Variants in CACNA1I observed in about 807,000 individuals in gnomAD.
CACNA1I encodes the protein calcium voltage-gated channel subunit alpha1 I.
Under a neutral mutation model 201.6 loss-of-function variants are expected in CACNA1I, and 74 were observed. That is an observed-to-expected ratio of 0.37 (90% confidence interval 0.30 to 0.45). The LOEUF (loss-of-function observed/expected upper bound fraction) is 0.45, where lower values mean the gene tolerates loss of function less well. CACNA1I is among the 20% of genes least tolerant of loss of function. CACNA1I has a pLI of 1.00. For missense variants in CACNA1I, 2,346 were observed against 3,138.1 expected, an observed-to-expected ratio of 0.75 and a Z score of 6.03; for synonymous variants, 1,431 against 1,345.2, an observed-to-expected ratio of 1.06 and a Z score of -1.40.
In CACNA1I at chr22:39,670,057, C is replaced by T; in HGVS notation, c.4214C>T (p.Pro1405Leu). The T allele has an allele frequency of 1.2e-6, 2 of 1,612,530 alleles. No homozygotes were observed. The highest frequency in any genetic ancestry group is 3.3e-5 in the Admixed American group (2 of 60,032). ...CTGCAGCCTGTGACCAACCACAACC[C>T]CTGGATGCTGCTGTACTTCATCTCC... ...VDQQPVTNHN[P>L]WMLLYFISFL... Residue 1405 changes from proline (P) to leucine (L), a missense_variant, in exon 25 of 37, where the codon CCC (proline) becomes CTC (leucine). Physicochemically the swap from Pro to Leu is moderately conservative, Grantham distance 98. Around this residue, in one of 13 missense-constraint regions of CACNA1I, gnomAD observed 228 missense variants for 395.7 expected, o/e 0.58. Coordinates refer to ENST00000402142, the MANE Select transcript of CACNA1I (RefSeq NM_021096.4).
intron 5 of CACNA1I, among the ~76,000 whole-genome samples, chr22:39,638,514 A>G (rs908999836): frequency 6.6e-6 from 1 of 152,232 alleles, no homozygotes; most frequent in African/African-American, 2.4e-5. Flanking sequence ...ATTACCAACC[A>G]TGAAATGTTT....
At chr22:39,605,241 C>T (rs111696201) in intron 3 of CACNA1I, among the ~76,000 whole-genome samples, 5 of 152,154 alleles carry the variant, frequency 3.3e-5, no homozygotes, top group South Asian at 4.1e-4. Flanking sequence ...ATAGCACCTC[C>T]GAGTTAGAAG....
At chr22:39,628,629 C>G (rs932984002) in intron 4 of CACNA1I, among the ~76,000 whole-genome samples, 1 of 152,112 alleles carries the variant, frequency 6.6e-6, no homozygotes, top group Non-Finnish European at 1.5e-5. Flanking sequence ...CTGGCTGGGC[C>G]TTGGGCCGGC....
At chr22:39,640,402 A>G (rs1934323287) in intron 5 of CACNA1I, among the ~76,000 whole-genome samples, 2 of 152,184 alleles carry the variant, frequency 1.3e-5, no homozygotes. Context: ...AAGAAAAAAA[A>G]GAAACGAAGT....
At chr22:39,599,082 G>A (rs1418198223) in intron 2 of CACNA1I, among the ~76,000 whole-genome samples, 1 of 150,170 alleles carries the variant, frequency 6.7e-6, no homozygotes, top group Non-Finnish European at 1.5e-5. Context: ...CTGAGCAGCT[G>A]GGACTACAGG....
chr22:39,634,268 G>A (rs1474102251), intron 4 of CACNA1I, among the ~76,000 whole-genome samples: 1 of 152,202 alleles, frequency 6.6e-6, no homozygotes, highest in Non-Finnish European at 1.5e-5. Context: ...TCACATTTGT[G>A]CAAGTACGCA....
intron 10 of CACNA1I, 137 bp downstream of exon 10, chr22:39,650,062 C>A: frequency 1.1e-6 from 1 of 919,002 alleles, no homozygotes; most frequent in Non-Finnish European, 1.7e-6. Context: ...GAGCTGGGTC[C>A]AGTTCATCCA....
At chr22:39,572,945 T>G (rs1277298850) in intron 1 of CACNA1I, among the ~76,000 whole-genome samples, 1 of 152,082 alleles carries the variant, frequency 6.6e-6, no homozygotes, top group Non-Finnish European at 1.5e-5. Flanking sequence ...TTAGTAGAGA[T>G]GGGGTTTCAC....
chr22:39,650,065 T>C (rs1479095985), intron 10 of CACNA1I, 140 bp downstream of exon 10: 2 of 888,226 alleles, frequency 2.3e-6, no homozygotes, highest in Non-Finnish European at 3.5e-6. Flanking sequence ...CTGGGTCCAG[T>C]TCATCCATGT....
chr22:39,607,870 A>C (rs1933263091), intron 3 of CACNA1I, among the ~76,000 whole-genome samples: 1 of 140,376 alleles, frequency 7.1e-6, no homozygotes, highest in African/African-American at 2.8e-5. Flanking sequence ...CACACCTGTA[A>C]TCCCAGCACT....
At position 39,685,979 on chromosome 22, in the gene CACNA1I, G is replaced by A. The variant is rs946041970; in HGVS notation, c.6246G>A (p.Ala2082=). 8 of 1,251,208 alleles carry A rather than the reference G, an allele frequency of 6.4e-6. No homozygotes were observed. In the South Asian group the frequency reaches 1.0e-4, roughly 16 times the overall value. The allele number at this position is 1,251,208 out of a possible 1,614,324, so 77.5% of individuals were successfully genotyped here. A position where few individuals can be genotyped will look rare whatever the true frequency, so the allele number is the denominator to read the frequency against. The change falls in exon 37 of 37, where the codon GCG becomes GCA. Residue 2082 remains alanine (A), a synonymous_variant. Coordinates refer to ENST00000402142, the MANE Select transcript of CACNA1I (RefSeq NM_021096.4). The surrounding 1 kb of genome is among the most constrained non-coding windows in gnomAD (Gnocchi z 5.0). ...RGLFSLRGLR[A]HQRSHSSGGS... ...TCTTCAGCCTGCGGGGGCTGCGGGCGCATCAGCGCAGCCACAGCAGCGGGG... is the reference window on the plus strand; with the variant it reads ...TCTTCAGCCTGCGGGGGCTGCGGGCACATCAGCGCAGCCACAGCAGCGGGG...
intron 1 of CACNA1I, among the ~76,000 whole-genome samples, chr22:39,596,168 T>TG (rs1219690401): frequency 2.8e-4 from 3 of 10,530 alleles, no homozygotes; most frequent in African/African-American, 1.4e-3. Flanking sequence ...TGGAGAGAGA[T>TG]GGGGGGGCAG....
At chr22:39,671,043 G>A in intron 26 of CACNA1I, 89 bp downstream of exon 26, 3 of 1,282,318 alleles carry the variant, frequency 2.3e-6, no homozygotes, top group Non-Finnish European at 3.3e-6. Context: ...GTGGGGAAGG[G>A]GTTAGCTGAT....
chr22:39,647,630 T>C (rs1354310343), intron 8 of CACNA1I, among the ~76,000 whole-genome samples, 192 bp from the exon 9 acceptor site: 1 of 152,112 alleles, frequency 6.6e-6, no homozygotes, highest in East Asian at 1.9e-4. Context: ...CCCAGGCTGG[T>C]CTCAAACTCC....
At chr22:39,631,891 G>A (rs1389315469) in intron 4 of CACNA1I, among the ~76,000 whole-genome samples, 3 of 152,090 alleles carry the variant, frequency 2.0e-5, no homozygotes, top group Non-Finnish European at 4.4e-5. Flanking sequence ...TCCCTGGCAA[G>A]GAAGGGATAA....
In CACNA1I at chr22:39,686,331, C is replaced by T. The variant is rs1029422996; in HGVS notation, c.6598C>T (p.Pro2200Ser). 4 of 1,309,990 alleles carry T rather than the reference C, an allele frequency of 3.1e-6. No homozygotes were observed. Among genetic ancestry groups the T allele is most frequent in the African/African-American group, 3.1e-5 (2 of 64,290 alleles). 81.1% of individuals were successfully genotyped at this position (1,309,990 alleles called of 1,614,324 possible). A position where few individuals can be genotyped will look rare whatever the true frequency, so the allele number is the denominator to read the frequency against. Residue 2200 changes from proline to serine, a missense_variant, in exon 37 of 37, where the codon CCC becomes TCC. This residue lies in a region of CACNA1I where 187 missense variants were observed against 151.0 expected (regional missense o/e 1.24). Transcript: ENST00000402142. ...GGCACCGCTGCCCATGGGCCTGGGC[C>T]CCTTGGCGCCCCCGCCGCAACCGCT... ...GRAPLPMGLGPLAPPPQPLPG... is the reference protein window; with the variant it reads ...GRAPLPMGLGSLAPPPQPLPG...
chr22:39,682,359 G>C (rs1935730061), intron 34 of CACNA1I, 137 bp from the exon 35 acceptor site: 1 of 669,168 alleles, frequency 1.5e-6, no homozygotes, highest in Non-Finnish European at 2.5e-6. Flanking sequence ...TGGTCAGGTA[G>C]AGGAGGTGAG....
intron 6 of CACNA1I, among the ~76,000 whole-genome samples, chr22:39,642,015 G>A (rs1934362798): frequency 6.6e-6 from 1 of 152,180 alleles, no homozygotes; most frequent in African/African-American, 2.4e-5. Flanking sequence ...AGGGGCAGGA[G>A]CAGACAGAGG....
chr22:39,653,380 A>G (rs574796306), intron 10 of CACNA1I, among the ~76,000 whole-genome samples: 25 of 152,144 alleles, frequency 1.6e-4, no homozygotes, highest in Non-Finnish European at 2.8e-4. Flanking sequence ...GGGCCTGACT[A>G]TGGGCCCGCT....
Sources: allele counts gnomAD v4.1 joint callset (sites outside exome capture counted in the v4.1 genomes callset), GRCh38; gene constraint gnomAD v4.1.1; regional missense constraint gnomAD v4.1.1; non-coding constraint Gnocchi (gnomAD v3.1); transcripts MANE v1.5; gene names NCBI Gene and HGNC (gene_info 2026-07-23, HGNC 2026-07-21).